Variants in THNSL1 observed in about 807,000 individuals in gnomAD.
The protein encoded by THNSL1 is threonine synthase like 1, also known as threonine synthase-like 1.
In THNSL1, 48 loss-of-function variants were observed where a neutral mutation model predicts 50.4. The observed-to-expected ratio is 0.95, with a 90% CI of 0.76 to 1.21. THNSL1 has a LOEUF of 1.21. Ranked by LOEUF, THNSL1 falls within the 50% of genes most tolerant of loss-of-function variation. THNSL1 has a pLI of 0.00. For synonymous variants in THNSL1, 309 were observed against 306.1 expected (o/e 1.01, Z -0.10); for missense variants, 896 against 871.7 (o/e 1.03, Z -0.35).
the THNSL1 span, among the ~76,000 whole-genome samples, chr10:24,961,067 A>G: frequency 6.6e-6 from 1 of 152,238 alleles, no homozygotes. Flanking sequence ...TTAAATTAGT[A>G]TGTACAAGTT....
the THNSL1 span, chr10:24,999,643 A>G: frequency 8.8e-7 from 1 of 1,130,926 alleles, no homozygotes; most frequent in Non-Finnish European, 1.3e-6. Flanking sequence ...AATTTATTTA[A>G]GTCTATATTC....
At chr10:25,016,192 G>C, upstream of THNSL1, 1 of 1,174,402 alleles carries the variant, frequency 8.5e-7, no homozygotes, top group Non-Finnish European at 1.1e-6. Flanking sequence ...TAGGCAACGA[G>C]GAAGTGGCAG....
the THNSL1 span, among the ~76,000 whole-genome samples, chr10:25,001,372 C>CT: frequency 6.7e-6 from 1 of 148,724 alleles, no homozygotes; most frequent in South Asian, 2.1e-4. Flanking sequence ...TCTTGGTATT[C>CT]TTTTTTCTAC....
the THNSL1 span, among the ~76,000 whole-genome samples, chr10:24,958,534 C>T: frequency 3.9e-5 from 6 of 152,180 alleles, no homozygotes; most frequent in East Asian, 1.2e-3. Flanking sequence ...CCAACTTAAG[C>T]AAAGGCCTCA....
At chr10:24,995,922 A>C in the THNSL1 span, 2 of 1,386,424 alleles carry the variant, frequency 1.4e-6, no homozygotes, top group South Asian at 2.8e-5. Flanking sequence ...ACTGCTACTC[A>C]GTGCTATTTA....
the THNSL1 span, among the ~76,000 whole-genome samples, chr10:24,972,584 C>T: frequency 8.6e-5 from 13 of 151,716 alleles, no homozygotes; most frequent in Non-Finnish European, 1.8e-4. Context: ...TTTATGTGTA[C>T]AGAAAGATGC....
At chr10:24,984,968 A>G in the THNSL1 span, 1 of 1,250,242 alleles carries the variant, frequency 8.0e-7, no homozygotes, top group Non-Finnish European at 1.1e-6. Context: ...GAAATGGGAA[A>G]AGCTAATTGG....
upstream of THNSL1, among the ~76,000 whole-genome samples, chr10:25,014,521 GAA>G (rs376706730): frequency 6.8e-6 from 1 of 146,174 alleles, no homozygotes; most frequent in Non-Finnish European, 1.5e-5. Flanking sequence ...AATTTTTTTT[GAA>G]AAAAAAAATC....
chr10:25,007,967 G>A, the THNSL1 span, among the ~76,000 whole-genome samples: 4 of 148,350 alleles, frequency 2.7e-5, no homozygotes, highest in Non-Finnish European at 5.9e-5. Flanking sequence ...GTGTGCCTGT[G>A]ATATATTATA....
chr10:25,020,572 G>A (rs188523688), intron 1 of THNSL1, among the ~76,000 whole-genome samples: 75 of 152,086 alleles, frequency 4.9e-4, no homozygotes, highest in Non-Finnish European at 9.7e-4. Context: ...TTCGAGATCA[G>A]TCTGGGCAAC....
Position 25,023,165 on chromosome 10 carries a change from GT to G in THNSL1, c.-48-7del. ...TTTTGTTGTTTTTTGTTTGTTTTGT[GT>G]TTTGAAAAGGGCTAAAGCCAATTTT... On this transcript the variant is annotated splice_polypyrimidine_tract_variant and intron_variant, in intron 2 of 2. Coordinates refer to ENST00000376356, the MANE Select transcript of THNSL1 (RefSeq NM_024838.5). 1 of 1,512,940 alleles carries G rather than the reference GT, an allele frequency of 6.6e-7. No individual in the cohort carries two copies. 93.7% of individuals were successfully genotyped at this position (1,512,940 alleles called of 1,614,324 possible).
At chr10:24,957,460 G>T in the THNSL1 span, among the ~76,000 whole-genome samples, 18 of 123,102 alleles carry the variant, frequency 1.5e-4, no homozygotes, top group African/African-American at 5.6e-4. Context: ...TTTATTTTGA[G>T]TTGATGTTTG....
the THNSL1 span, among the ~76,000 whole-genome samples, chr10:25,004,349 C>A: frequency 7.9e-5 from 12 of 152,124 alleles, no homozygotes; most frequent in Non-Finnish European, 1.5e-4. Flanking sequence ...TGAGGAATTG[C>A]CACACTGTCT....
chr10:24,967,865 TATG>T, the THNSL1 span, among the ~76,000 whole-genome samples: 1 of 151,846 alleles, frequency 6.6e-6, no homozygotes, highest in Non-Finnish European at 1.5e-5. Context: ...GTATGATGTA[TATG>T]ATGTGTGTGT....
At chr10:24,969,020 A>C in the THNSL1 span, among the ~76,000 whole-genome samples, 15 of 152,306 alleles carry the variant, frequency 9.8e-5, no homozygotes, top group African/African-American at 3.6e-4. Flanking sequence ...CAGCCTCCAG[A>C]GTAGCTGGGA....
At chr10:25,017,445 G>C (rs960521902) in intron 1 of THNSL1, among the ~76,000 whole-genome samples, 1 of 152,136 alleles carries the variant, frequency 6.6e-6, no homozygotes, top group African/African-American at 2.4e-5. Context: ...CCGGAGAGGA[G>C]AGAAAACACA....
chr10:25,026,573 TG>T lies in THNSL1; in HGVS notation c.*1119del, dbSNP rs1016612323. The T allele has an allele frequency of 5.4e-5, 9 of 166,178 alleles. No individual in the cohort carries two copies. The highest frequency in any genetic ancestry group is 2.2e-4 in the African/African-American group (9 of 41,474). 10.3% of individuals were successfully genotyped at this position (166,178 alleles called of 1,614,324 possible). ...ACACAACTGATACACATATTTAATT[TG>T]TATTCCTTTGTAGTAATACATTTTA... is the stretch of plus-strand genomic sequence containing the variant. On this transcript the variant is annotated 3_prime_UTR_variant, in exon 3 of 3. Transcript: ENST00000376356.
rs1299920186 is a variant in THNSL1, at chr10:25,023,337, A to G, written c.114A>G (p.Ala38=). ...HAQRFLSRTF[A]LAELRKSWYS... ...AGCGATTTCTTTCAAGAACCTTTGC[A>G]CTTGCGGAATTGAGGAAGTCATGGT... Residue 38 remains alanine, a synonymous_variant, in exon 3 of 3, where the codon GCA becomes GCG. Transcript: ENST00000376356. 3 of 1,614,064 alleles carry G rather than the reference A, an allele frequency of 1.9e-6. No individual in the cohort carries two copies. Among genetic ancestry groups the G allele is most frequent in the African/African-American group, 2.7e-5 (2 of 74,946 alleles).
the THNSL1 span, among the ~76,000 whole-genome samples, chr10:25,007,659 C>A: frequency 6.6e-6 from 1 of 152,142 alleles, no homozygotes; most frequent in African/African-American, 2.4e-5. Flanking sequence ...TGTTCTCGAT[C>A]TCCTGACCTC....
Sources: gnomAD v4.1 joint callset for allele counts (sites outside exome capture counted in the v4.1 genomes callset) on GRCh38, gnomAD v4.1.1 for gene constraint, MANE v1.5 for transcripts, NCBI Gene and HGNC (gene_info 2026-07-23, HGNC 2026-07-21) for gene names.